The following MYLK variants were observed in gnomAD, a reference collection of about 807,000 sequenced individuals.
MYLK encodes myosin light chain kinase, smooth muscle.
Under a neutral mutation model 203.4 loss-of-function variants are expected in MYLK, and 106 were observed. The ratio of observed to expected loss-of-function variants is 0.52; its 90% CI spans 0.45 to 0.61. The LOEUF (loss-of-function observed/expected upper bound fraction) is 0.61. Ranked by LOEUF, MYLK falls within the 20% of genes least tolerant of loss-of-function variation. The pLI is 0.00. For missense variants in MYLK, 2,072 were observed against 2,442.3 expected, an observed-to-expected ratio of 0.85 and a Z score of 3.20; for synonymous variants, 867 against 959.5, an observed-to-expected ratio of 0.90 and a Z score of 1.78.
intron 13 of MYLK, among the ~76,000 whole-genome samples, chr3:123,715,082 C>G (rs571083334): frequency 6.6e-6 from 1 of 152,188 alleles, no homozygotes; most frequent in East Asian, 1.9e-4. Flanking sequence ...GACAGATATA[C>G]GCACTCTCCC....
At chr3:123,667,820 T>C (rs554773050) in intron 20 of MYLK, among the ~76,000 whole-genome samples, 2 of 152,220 alleles carry the variant, frequency 1.3e-5, no homozygotes. Flanking sequence ...TTAACCACTC[T>C]CTCACCCTAA....
At chr3:123,805,960 A>C (rs986853532) in intron 3 of MYLK, among the ~76,000 whole-genome samples, 4 of 152,254 alleles carry the variant, frequency 2.6e-5, no homozygotes, top group African/African-American at 9.6e-5. Context: ...CAATTTGATA[A>C]TAGTCAGTTA....
chr3:123,861,299 GGGTTCACACCCA>G (rs1182280924), intron 2 of MYLK, among the ~76,000 whole-genome samples: 1 of 152,254 alleles, frequency 6.6e-6, no homozygotes, highest in Non-Finnish European at 1.5e-5. Context: ...CGAGACAGCT[GGGTTCACACCCA>G]GCACCATCGC....
chr3:123,703,697 C>T lies in MYLK; in HGVS notation c.2391-2188G>A, dbSNP rs1363738047. ...TTGTAGAATAACTGTGTGAGGTCAC[C>T]CTGCTTCTGCCAGGCTGCTGGCCAG... On this transcript the variant is annotated intron_variant, in intron 16 of 33. Transcript: ENST00000360304. Among the ~76,000 whole-genome samples the T allele has an allele frequency of 2.0e-5, 3 of 152,174 alleles. No individual in the cohort carries two copies. In the South Asian group the frequency reaches 6.2e-4, roughly 31 times the overall value.
chr3:123,701,415 G>A (rs1473689828), intron 17 of MYLK, 23 bp downstream of exon 17: 1 of 1,613,096 alleles, frequency 6.2e-7, no homozygotes, highest in African/African-American at 1.3e-5. Flanking sequence ...TGGCCTGGAG[G>A]GGCAGCTCCT....
chr3:123,806,821 C>T (rs1187615481), intron 3 of MYLK, among the ~76,000 whole-genome samples: 1 of 151,974 alleles, frequency 6.6e-6, no homozygotes. Flanking sequence ...CATCACTACA[C>T]CTGGCTAATT....
intron 3 of MYLK, among the ~76,000 whole-genome samples, chr3:123,830,205 C>T (rs2148619114): frequency 6.6e-6 from 1 of 152,286 alleles, no homozygotes; most frequent in South Asian, 2.1e-4. Context: ...TGTGAAAAGC[C>T]TTAAGGCTTT....
intron 20 of MYLK, among the ~76,000 whole-genome samples, chr3:123,669,565 G>A (rs1164219691): frequency 2.0e-5 from 3 of 151,934 alleles, no homozygotes; most frequent in Non-Finnish European, 2.9e-5. Flanking sequence ...ATAAGAGATT[G>A]TTCTTGTTTT....
At chr3:123,744,667 C>T (rs911936448) in intron 5 of MYLK, among the ~76,000 whole-genome samples, 9 of 152,092 alleles carry the variant, frequency 5.9e-5, no homozygotes, top group Admixed American at 5.9e-4. Context: ...TTGAAATACA[C>T]ATTCAGTGAA....
At chr3:123,649,505 G>A (rs1288195240) in intron 24 of MYLK, among the ~76,000 whole-genome samples, 1 of 152,134 alleles carries the variant, frequency 6.6e-6, no homozygotes, top group Non-Finnish European at 1.5e-5. Context: ...AACCCTTTCT[G>A]ACTTTCAGAA....
chr3:123,733,071 C>T lies in MYLK; in HGVS notation c.1341G>A (p.Trp447Ter), dbSNP rs2108787283. The change falls in exon 11 of 34, where the codon TGG (tryptophan) becomes TGA (stop). Residue 447 changes from tryptophan to a stop codon, truncating the protein, a stop_gained. Transcript: ENST00000360304. LOFTEE classifies it high-confidence loss of function. ...TCCTCACGGGGGTGCCTTCCAGGAA[C>T]CAGGCCACTTCAGGCTTTGGAATCC... ...VSGIPKPEVA[W>*]FLEGTPVRRQ... The T allele has an allele frequency of 6.2e-7, 1 of 1,614,036 alleles. No homozygotes were observed. The highest frequency in any genetic ancestry group is 8.5e-7 in the Non-Finnish European group (1 of 1,180,012).
At chr3:123,740,081 TG>T (rs2062812139) in intron 5 of MYLK, 80 bp from the exon 6 acceptor site, 19 of 1,397,136 alleles carry the variant, frequency 1.4e-5, no homozygotes, top group Non-Finnish European at 1.7e-5. Flanking sequence ...ACAGCAGGGG[TG>T]GGTGGGATAG....
rs750296727 is a variant in MYLK at position 123,618,602 on chromosome 3, C to A, written c.5500+37G>T. 8.1e-6 allele frequency: 13 copies of A among 1,613,004 alleles called. No individual in the cohort carries two copies. The South Asian group carries it at 1.4e-4, about 18-fold the overall frequency. The stretch of plus-strand genomic sequence containing the variant: ...TAGGGACTCTACCATCCAGCCACAC[C>A]CTATTCATGGTGAAGAGAAGCACAG... On this transcript the variant is annotated intron_variant, in intron 33 of 33. Coordinates refer to ENST00000360304, the MANE Select transcript of MYLK (RefSeq NM_053025.4).
chr3:123,760,765 C>T lies in MYLK; in HGVS notation c.166-8227G>A, dbSNP rs1576880043. Reference sequence around the variant, plus strand: ...CACTCTTAACTAGGTAAAAATCTAACCCTTTAACTGAGAACATTCTGCTCT... The same window carrying T: ...CACTCTTAACTAGGTAAAAATCTAATCCTTTAACTGAGAACATTCTGCTCT... On this transcript the variant is annotated intron_variant, in intron 4 of 33. Transcript: ENST00000360304. 3.9e-5 allele frequency among the ~76,000 whole-genome samples: 6 copies of T among 152,276 alleles called. No homozygotes were observed. In the South Asian group the frequency reaches 1.0e-3, roughly 26 times the overall value.
At chr3:123,799,601 C>T (rs1335609332) in intron 3 of MYLK, among the ~76,000 whole-genome samples, 8 of 152,182 alleles carry the variant, frequency 5.3e-5, no homozygotes, top group Non-Finnish European at 1.5e-5. Context: ...GTGAACCCTA[C>T]CTCCAACAAC....
rs57445681 is a variant in MYLK at position 123,670,034 on chromosome 3, CAAA to C, written c.3653-2850_3653-2848del. On this transcript the variant is annotated intron_variant, in intron 20 of 33. Transcript: ENST00000360304. ...TGGGTGACAGAGCGAGACTCCATCT[CAAA>C]AAAAAAAAAAAAAAAAAAAGCAAAC... 6.5e-4 allele frequency among the ~76,000 whole-genome samples: 24 copies of C among 37,044 alleles called. No individual in the cohort carries two copies. In the South Asian group the frequency reaches 0.013, roughly 20 times the overall value. 24.3% of individuals were successfully genotyped at this position (37,044 alleles called of 152,430 possible). A position where few individuals can be genotyped will look rare whatever the true frequency, so the allele number is the denominator to read the frequency against.
chr3:123,765,927 A>G (rs569488979), intron 4 of MYLK, among the ~76,000 whole-genome samples: 2 of 152,178 alleles, frequency 1.3e-5, no homozygotes, highest in Non-Finnish European at 2.9e-5. Flanking sequence ...AAAGGAAGTA[A>G]GAAGTTATTG....
At chr3:123,718,705 C>T (rs985880579) in intron 13 of MYLK, among the ~76,000 whole-genome samples, 1 of 152,158 alleles carries the variant, frequency 6.6e-6, no homozygotes, top group Non-Finnish European at 1.5e-5. Context: ...GATTCACACA[C>T]CCCACTCACT....
chr3:123,681,307 T>A (rs902741385), intron 20 of MYLK: 1 of 152,170 alleles, frequency 6.6e-6, no homozygotes, highest in African/African-American at 2.4e-5. Flanking sequence ...GGCTCCTTTC[T>A]CTCTTGGCTT....
Sources: gnomAD v4.1 joint callset for allele counts (sites outside exome capture counted in the v4.1 genomes callset) on GRCh38, gnomAD v4.1.1 for gene constraint, MANE v1.5 for transcripts, NCBI Gene and HGNC (gene_info 2026-07-23, HGNC 2026-07-21) for gene names.